NXN: variants seen among roughly 807,000 people sequenced by gnomAD.
The protein encoded by NXN is nucleoredoxin 1.
Under a neutral mutation model 48.6 loss-of-function variants are expected in NXN, and 16 were observed. That is an observed-to-expected ratio of 0.33 (90% CI 0.22 to 0.50). NXN has a LOEUF of 0.50. NXN is among the 20% of genes least tolerant of loss of function. The probability of loss-of-function intolerance (pLI) is 0.98; values close to 1 mark genes in which losing one functional copy is unlikely to be tolerated. For missense variants in NXN, 492 were observed against 605.5 expected (o/e 0.81, Z 1.97); for synonymous variants, 281 against 269.6 (o/e 1.04, Z -0.41).
chr17:822,281 G>GA, intron 4 of NXN, 76 bp downstream of exon 4: 66 of 1,076,682 alleles, frequency 6.1e-5, no homozygotes, highest in Middle Eastern at 2.1e-4. Context: ...CTCTGTCTCA[G>GA]AAAAAAAAGA....
At chr17:814,152 C>T (rs991556389) in intron 5 of NXN, among the ~76,000 whole-genome samples, 1 of 150,844 alleles carries the variant, frequency 6.6e-6, no homozygotes, top group Non-Finnish European at 1.5e-5. Flanking sequence ...ATCCCAGCTA[C>T]TCCGGAGGCT....
chr17:806,635 A>T (rs1438176517), intron 5 of NXN, among the ~76,000 whole-genome samples: 2 of 152,046 alleles, frequency 1.3e-5, no homozygotes, highest in South Asian at 4.1e-4. Context: ...ATTTTATGTG[A>T]AAGTCAGAGC....
intron 1 of NXN, among the ~76,000 whole-genome samples, chr17:899,826 G>A (rs2068520845): frequency 6.6e-6 from 1 of 152,132 alleles, no homozygotes; most frequent in African/African-American, 2.4e-5. Flanking sequence ...GGAGTTCGAG[G>A]CTGCAGTGAG....
intron 1 of NXN, among the ~76,000 whole-genome samples, chr17:948,040 C>A (rs2069065751): frequency 6.6e-6 from 1 of 151,648 alleles, no homozygotes; most frequent in Admixed American, 6.6e-5. Flanking sequence ...GACAGAGACT[C>A]TCTCTCAAAA....
At chr17:934,167 C>T (rs1042652918) in intron 1 of NXN, among the ~76,000 whole-genome samples, 1 of 151,822 alleles carries the variant, frequency 6.6e-6, no homozygotes, top group Non-Finnish European at 1.5e-5. Flanking sequence ...CCCGGGAGGC[C>T]GGGCGCGGTG....
At chr17:851,891 T>C (rs1597663362) in intron 1 of NXN, among the ~76,000 whole-genome samples, 1 of 152,250 alleles carries the variant, frequency 6.6e-6, no homozygotes, top group South Asian at 2.1e-4. Flanking sequence ...GCTTTCTCTA[T>C]GGAAGGGAGA....
chr17:875,054 C>CAA (rs1369870175), intron 1 of NXN, among the ~76,000 whole-genome samples: 2 of 150,734 alleles, frequency 1.3e-5, no homozygotes, highest in Non-Finnish European at 3.0e-5. Flanking sequence ...TTTTCTGAGA[C>CAA]AGAGTCTTAC....
In NXN at chr17:948,695, CGGGGCCTCACCCCG is replaced by C. The variant is rs546862303; in HGVS notation, c.360+30610_360+30623del. On this transcript the variant is annotated intron_variant, in intron 1 of 7. Coordinates refer to ENST00000336868, the MANE Select transcript of NXN (RefSeq NM_022463.5). The stretch of plus-strand genomic sequence containing the variant: ...AACCTAAGACAGCTGGGTCCCAACG[CGGGGCCTCACCCCG>C]GCCCGTCCCGCCCCAGCGCTCGGAG... Among the ~76,000 whole-genome samples the C allele has an allele frequency of 2.8e-4, 43 of 152,068 alleles. No homozygotes were observed. In the East Asian group the frequency reaches 4.1e-3, roughly 14 times the overall value.
intron 1 of NXN, chr17:910,893 A>G (rs989946903): frequency 3.9e-5 from 6 of 152,162 alleles, no homozygotes; most frequent in Non-Finnish European, 8.8e-5. Flanking sequence ...GAAAGAAGGA[A>G]TTCCCTCCCC....
intron 1 of NXN, among the ~76,000 whole-genome samples, chr17:900,396 C>T (rs899985250): frequency 9.8e-5 from 15 of 152,292 alleles, no homozygotes; most frequent in African/African-American, 3.1e-4. Context: ...GCCACAATGC[C>T]AGGAACCCAG....
intron 1 of NXN, among the ~76,000 whole-genome samples, chr17:877,674 A>T (rs977735668): frequency 3.3e-5 from 5 of 152,180 alleles, no homozygotes; most frequent in African/African-American, 1.2e-4. Context: ...AGATGCTTAG[A>T]ACAATGTCTG....
chr17:966,433 C>T (rs982745975), intron 1 of NXN, among the ~76,000 whole-genome samples: 11 of 152,164 alleles, frequency 7.2e-5, no homozygotes, highest in Middle Eastern at 3.4e-3. Context: ...CCGCAACCTC[C>T]GCTTCCAGGG....
chr17:854,281 C>G (rs2144758213), intron 1 of NXN, among the ~76,000 whole-genome samples: 1 of 152,302 alleles, frequency 6.6e-6, no homozygotes, highest in South Asian at 2.1e-4. Context: ...AAGGAAAGAT[C>G]CTGCCGCTAG....
intron 1 of NXN, among the ~76,000 whole-genome samples, chr17:896,116 G>A (rs867132768): frequency 1.3e-5 from 2 of 151,762 alleles, no homozygotes; most frequent in Middle Eastern, 3.2e-3. Flanking sequence ...GAGGCAGGCG[G>A]ATCACCTGAG....
chr17:876,249 G>GAAGAGAAGAAAAGAAAAGAAAAGAA (rs776299390), intron 1 of NXN, among the ~76,000 whole-genome samples: 5 of 150,084 alleles, frequency 3.3e-5, no homozygotes, highest in Admixed American at 1.3e-4. Context: ...GAAGAGAAGA[G>GAAGAGAAGAAAAGAAAAGAAAAGAA]AAGAAAAGAA....
intron 1 of NXN, among the ~76,000 whole-genome samples, chr17:959,583 G>A (rs1207594588): frequency 6.6e-6 from 1 of 152,010 alleles, no homozygotes; most frequent in Non-Finnish European, 1.5e-5. Context: ...GATTACTTGA[G>A]GTCAGGAGTT....
intron 1 of NXN, among the ~76,000 whole-genome samples, chr17:859,855 G>A (rs906021376): frequency 6.6e-6 from 1 of 152,118 alleles, no homozygotes; most frequent in Non-Finnish European, 1.5e-5. Context: ...AGGCAAAACC[G>A]AGCAAATTAA....
intron 1 of NXN, among the ~76,000 whole-genome samples, chr17:905,413 G>T (rs975912886): frequency 6.6e-6 from 1 of 152,058 alleles, no homozygotes; most frequent in African/African-American, 2.4e-5. Flanking sequence ...ACGAGATCCT[G>T]TCGGTTAAAA....
intron 1 of NXN, among the ~76,000 whole-genome samples, chr17:895,072 A>C (rs1382142121): frequency 8.0e-6 from 1 of 125,642 alleles, no homozygotes; most frequent in African/African-American, 3.1e-5. Flanking sequence ...GCTGGAGTGC[A>C]GTGGCACCAT....
Sources: allele counts gnomAD v4.1 joint callset (sites outside exome capture counted in the v4.1 genomes callset), GRCh38; gene constraint gnomAD v4.1.1; transcripts MANE v1.5; gene names NCBI Gene and HGNC (gene_info 2026-07-23, HGNC 2026-07-21).